The following SLC25A26 variants were observed in gnomAD, a reference collection of about 807,000 sequenced individuals.
SLC25A26 encodes solute carrier family 25 member 26.
SLC25A26 carries 36 observed loss-of-function variants against 37.8 expected under a neutral mutation model. That is an observed-to-expected ratio of 0.95 (90% confidence interval 0.73 to 1.26). SLC25A26 has a LOEUF of 1.26. SLC25A26 is among the 50% of genes most tolerant of loss of function. SLC25A26 has a pLI of 0.00. For missense variants in SLC25A26, 390 were observed against 331.1 expected (o/e 1.18, Z -1.38); for synonymous variants, 129 against 122.5 (o/e 1.05, Z -0.35).
chr3:66,325,915 G>A (rs2075825580), intron 5 of SLC25A26, among the ~76,000 whole-genome samples: 2 of 152,214 alleles, frequency 1.3e-5, no homozygotes, highest in Non-Finnish European at 2.9e-5. Flanking sequence ...AATAAAAAGA[G>A]GTTGAACAGA....
At chr3:66,234,028 C>G (rs1374245255) in intron 1 of SLC25A26, among the ~76,000 whole-genome samples, 1 of 152,146 alleles carries the variant, frequency 6.6e-6, no homozygotes, top group East Asian at 1.9e-4. Flanking sequence ...ACATTTTCGC[C>G]AGGGTTCTAT....
At chr3:66,208,870 G>GTA (rs1553655942) in intron 1 of SLC25A26, among the ~76,000 whole-genome samples, 9,450 of 55,738 alleles carry the variant, frequency 0.17, 1,275 homozygotes, top group African/African-American at 0.31. Flanking sequence ...ATGGGTGTGT[G>GTA]TATATATATA....
chr3:66,316,800 A>G (rs1409287658), intron 5 of SLC25A26, among the ~76,000 whole-genome samples: 1 of 151,894 alleles, frequency 6.6e-6, no homozygotes, highest in South Asian at 2.1e-4. Flanking sequence ...TAGTTCTTGG[A>G]GGTTTTGTTC....
upstream of SLC25A26, among the ~76,000 whole-genome samples, chr3:66,218,863 C>T (rs959057113): frequency 1.1e-4 from 16 of 152,270 alleles, no homozygotes; most frequent in East Asian, 1.9e-4. Flanking sequence ...TTGGATCCTG[C>T]GGTCATGATC....
intron 5 of SLC25A26, among the ~76,000 whole-genome samples, chr3:66,344,064 T>A (rs1411454360): frequency 1.3e-5 from 2 of 152,232 alleles, no homozygotes. Context: ...ATTGATCTTT[T>A]CTTCTCATTG....
intron 6 of SLC25A26, among the ~76,000 whole-genome samples, chr3:66,352,421 G>GTTTTTTTTTTTTTTTTTT (rs1379958045): frequency 1.6e-5 from 2 of 126,556 alleles, no homozygotes; most frequent in African/African-American, 7.4e-5. Context: ...GCCTCCCCTC[G>GTTTTTTTTTTTTTTTTTT]TTTTTTGTTT....
chr3:66,212,055 T>A (rs2071291043), intron 1 of SLC25A26, among the ~76,000 whole-genome samples: 1 of 152,184 alleles, frequency 6.6e-6, no homozygotes, highest in Non-Finnish European at 1.5e-5. Context: ...AGAGAGTGAG[T>A]GAGTGAGAGA....
chr3:66,284,303 T>G (rs2107467348), intron 5 of SLC25A26, among the ~76,000 whole-genome samples: 1 of 152,318 alleles, frequency 6.6e-6, no homozygotes, highest in Middle Eastern at 3.4e-3. Flanking sequence ...GAGCTTAGAT[T>G]ATGCCACTGT....
intron 3 of SLC25A26, among the ~76,000 whole-genome samples, chr3:66,244,284 A>C (rs928865654): frequency 6.6e-6 from 1 of 152,248 alleles, no homozygotes; most frequent in African/African-American, 2.4e-5. Flanking sequence ...CAGGAGATGT[A>C]ACAAGCCCGA....
At chr3:66,212,283 T>C (rs2071294758) in intron 1 of SLC25A26, among the ~76,000 whole-genome samples, 1 of 143,720 alleles carries the variant, frequency 7.0e-6, no homozygotes, top group South Asian at 2.2e-4. Flanking sequence ...GGTTAATAAA[T>C]TTTTTTTTTT....
chr3:66,260,157 C>T (rs915365995), intron 3 of SLC25A26, among the ~76,000 whole-genome samples: 3 of 152,030 alleles, frequency 2.0e-5, no homozygotes, highest in Non-Finnish European at 4.4e-5. Context: ...GACTAAATAC[C>T]CCTCCTCCAC....
intron 5 of SLC25A26, among the ~76,000 whole-genome samples, chr3:66,329,139 G>A (rs2075910297): frequency 6.6e-6 from 1 of 152,086 alleles, no homozygotes; most frequent in Admixed American, 6.5e-5. Flanking sequence ...TTTTTACATT[G>A]GAATTTCATA....
rs1700773665 is a variant in SLC25A26 at position 66,377,966 on chromosome 3, T to C, written c.*159T>C. On this transcript the variant is annotated 3_prime_UTR_variant, in exon 10 of 10. Coordinates refer to ENST00000354883, the MANE Select transcript of SLC25A26 (RefSeq NM_001379210.1). The stretch of plus-strand genomic sequence containing the variant: ...TGTGCCATCCGTGGTATAGGCTGGC[T>C]GGTATGAAGTCATTGGCCTGTATGC... The C allele has an allele frequency of 1.7e-6, 1 of 603,610 alleles. No homozygotes were observed. The highest frequency in any genetic ancestry group is 1.8e-5 in the African/African-American group (1 of 54,358). 37.4% of individuals were successfully genotyped at this position (603,610 alleles called of 1,614,324 possible). A position where few individuals can be genotyped will look rare whatever the true frequency, so the allele number is the denominator to read the frequency against.
chr3:66,155,308 G>T (rs958427939), intron 1 of SLC25A26, among the ~76,000 whole-genome samples: 1 of 152,296 alleles, frequency 6.6e-6, no homozygotes, highest in East Asian at 1.9e-4. Flanking sequence ...CCGGGAGTTC[G>T]AAACTAGCCT....
Position 66,306,109 on chromosome 3 carries a change from C to T in SLC25A26, c.454-40255C>T, listed in dbSNP as rs1180536804. Among the ~76,000 whole-genome samples the T allele has an allele frequency of 2.0e-5, 3 of 152,078 alleles. No homozygotes were observed. In the East Asian group the frequency reaches 5.8e-4, roughly 29 times the overall value. On this transcript the variant is annotated intron_variant, in intron 5 of 9. Transcript: ENST00000354883. Reference sequence around the variant, plus strand: ...AAGCAGTTCTCCTGCGTCAGCCTCCCGAGTAGCTGGGACTACAGGTGTGCA... The same window carrying T: ...AAGCAGTTCTCCTGCGTCAGCCTCCTGAGTAGCTGGGACTACAGGTGTGCA...
At chr3:66,247,937 G>A (rs1221831471) in intron 3 of SLC25A26, among the ~76,000 whole-genome samples, 2 of 152,132 alleles carry the variant, frequency 1.3e-5, no homozygotes, top group African/African-American at 2.4e-5. Flanking sequence ...AATAGGAATA[G>A]AAAACATTTA....
chr3:66,323,943 G>C (rs940249631), intron 5 of SLC25A26: 8 of 152,240 alleles, frequency 5.3e-5, no homozygotes, highest in Admixed American at 5.2e-4. Flanking sequence ...CTGGGCTGTA[G>C]AGCAGTATGC....
intron 1 of SLC25A26, among the ~76,000 whole-genome samples, chr3:66,231,147 A>G (rs955423233): frequency 2.0e-5 from 3 of 152,158 alleles, no homozygotes; most frequent in Non-Finnish European, 1.5e-5. Flanking sequence ...TGCACTCCAG[A>G]TGGGGTGACA....
intron 9 of SLC25A26, among the ~76,000 whole-genome samples, chr3:66,377,406 T>C (rs1385745213): frequency 6.6e-6 from 1 of 152,136 alleles, no homozygotes; most frequent in African/African-American, 2.4e-5. Context: ...GAGATCACTT[T>C]AGAGGTGTGG....
Sources: allele counts gnomAD v4.1 joint callset (sites outside exome capture counted in the v4.1 genomes callset), GRCh38; gene constraint gnomAD v4.1.1; transcripts MANE v1.5; gene names NCBI Gene and HGNC (gene_info 2026-07-23, HGNC 2026-07-21).